Variants in DISP1 observed in about 807,000 individuals in gnomAD.
The protein encoded by DISP1 is dispatched RND transporter family member 1.
DISP1 carries 30 observed loss-of-function variants against 37.3 expected under a neutral mutation model. The ratio of observed to expected loss-of-function variants is 0.80; its 90% CI spans 0.60 to 1.09. The LOEUF (loss-of-function observed/expected upper bound fraction) is 1.09. Ranked by LOEUF, DISP1 falls within the 50% of genes least tolerant of loss-of-function variation. The probability of loss-of-function intolerance (pLI) is 0.00; values close to 1 mark genes in which losing one functional copy is unlikely to be tolerated. For missense variants in DISP1, 1,598 were observed against 1,879.5 expected (o/e 0.85, Z 2.77); for synonymous variants, 634 against 690.2 (o/e 0.92, Z 1.28).
At position 223,004,359 on chromosome 1, in the gene DISP1, A is replaced by C. The variant is rs754978377; in HGVS notation, c.2962A>C (p.Met988Leu). ...DSLSDGTLIA[M>L]GLSVAVAFSV... ...CCTCTCCGATGGCACCCTCATTGCC[A>C]TGGGGCTGTCAGTTGCTGTTGCATT... Residue 988 changes from methionine (M) to leucine (L), a missense_variant, in exon 9 of 9, where the codon ATG (methionine) becomes CTG (leucine). Coordinates refer to ENST00000675850, the MANE Select transcript of DISP1 (RefSeq NM_001377229.1). This position sits in a 1 kb window ranked among gnomAD's most constrained non-coding sequence, Gnocchi z 4.9. 9 of 1,614,070 alleles carry C rather than the reference A, an allele frequency of 5.6e-6. 1 individual carries two copies. The highest frequency in any genetic ancestry group is 2.2e-5 in the East Asian group (1 of 44,890).
chr1:222,887,291 C>T (rs1670649399), intron 1 of DISP1, among the ~76,000 whole-genome samples: 1 of 152,078 alleles, frequency 6.6e-6, no homozygotes, highest in South Asian at 2.1e-4. Flanking sequence ...CCCTTATTTT[C>T]CTGCCTGTAT....
chr1:222,838,525 T>G (rs1667388451), intron 1 of DISP1, among the ~76,000 whole-genome samples: 1 of 152,198 alleles, frequency 6.6e-6, no homozygotes, highest in South Asian at 2.1e-4. Context: ...TCTCAGTACT[T>G]TGGGAGCCCC....
intron 1 of DISP1, among the ~76,000 whole-genome samples, chr1:222,884,905 T>C (rs531459807): frequency 3.8e-4 from 58 of 152,226 alleles, no homozygotes; most frequent in African/African-American, 1.4e-3. Flanking sequence ...GGCGCGATCT[T>C]GGCTCACTGC....
At chr1:222,995,016 C>G in intron 8 of DISP1, 34 bp downstream of exon 8, 1 of 1,509,048 alleles carries the variant, frequency 6.6e-7, no homozygotes, top group Non-Finnish European at 9.2e-7. Context: ...CTCCTTAGCA[C>G]AAATAAGGTT....
intron 1 of DISP1, among the ~76,000 whole-genome samples, chr1:222,907,934 G>A (rs1055180005): frequency 1.3e-5 from 2 of 152,168 alleles, no homozygotes; most frequent in Non-Finnish European, 2.9e-5. Context: ...GGGCAACAGA[G>A]CAAGACTCCA....
At chr1:222,930,109 G>T (rs2609405) in intron 2 of DISP1, among the ~76,000 whole-genome samples, 24,740 of 152,026 alleles carry the variant, frequency 0.16, 2,086 homozygotes, top group South Asian at 0.3. Flanking sequence ...AGTCTCACTT[G>T]CCTTGCAGTT....
At chr1:222,944,896 GCAGCT>G (rs1674654183) in intron 3 of DISP1, among the ~76,000 whole-genome samples, 1 of 152,180 alleles carries the variant, frequency 6.6e-6, no homozygotes, top group South Asian at 2.1e-4. Flanking sequence ...GCTGGGTGCT[GCAGCT>G]CATGGCTGCG....
intron 8 of DISP1, among the ~76,000 whole-genome samples, chr1:222,999,098 C>G (rs1197552162): frequency 2.0e-5 from 3 of 152,058 alleles, no homozygotes; most frequent in Non-Finnish European, 2.9e-5. Context: ...ATTTAAAACT[C>G]TCTGCTGGTT....
rs1553331638 is a variant in DISP1 at position 222,936,800 on chromosome 1, TTA to T, written c.-17-5998_-17-5997del. ...TATCATATATAATATATATAATATA[TTA>T]TATATATAAATTATATATAATATAT... is the stretch of plus-strand genomic sequence containing the variant. On this transcript the variant is annotated intron_variant, in intron 2 of 8. Coordinates refer to ENST00000675850, the MANE Select transcript of DISP1 (RefSeq NM_001377229.1). Among the ~76,000 whole-genome samples the T allele has an allele frequency of 2.8e-4, 18 of 64,164 alleles. 1 individual carries two copies. The highest frequency in any genetic ancestry group is 7.6e-4 in the African/African-American group (13 of 17,156). The allele number at this position is 64,164 out of a possible 152,430, so 42.1% of individuals were successfully genotyped here.
intron 1 of DISP1, among the ~76,000 whole-genome samples, chr1:222,860,647 G>A (rs1390776981): frequency 6.6e-6 from 1 of 152,078 alleles, no homozygotes; most frequent in African/African-American, 2.4e-5. Flanking sequence ...AGCACTTTGG[G>A]AGGCCGAGGC....
chr1:222,984,437 G>A (rs78923631), intron 4 of DISP1, among the ~76,000 whole-genome samples: 2 of 103,498 alleles, frequency 1.9e-5, no homozygotes, highest in African/African-American at 4.1e-5. Flanking sequence ...TATATATATA[G>A]AGAGAGAGAG....
chr1:222,910,712 G>A (rs1246230929), intron 1 of DISP1, among the ~76,000 whole-genome samples: 1 of 152,204 alleles, frequency 6.6e-6, no homozygotes, highest in Non-Finnish European at 1.5e-5. Context: ...AACCAGAAGA[G>A]AGAATGACTT....
At chr1:222,815,124 A>G (rs1660828061) in intron 1 of DISP1, 46 bp downstream of exon 1, 1 of 152,016 alleles carries the variant, frequency 6.6e-6, no homozygotes, top group African/African-American at 2.4e-5. Context: ...TCCTCAGTGG[A>G]TGCCTTTCGG....
chr1:223,004,007 G>C lies in DISP1; in HGVS notation c.2610G>C (p.Leu870=), dbSNP rs571683384. ...MENQDCDEPA[L]YPCCSHWSFP... ...ACCAGGACTGTGATGAGCCTGCCCT[G>C]TACCCATGCTGCAGCCACTGGAGCT... The change falls in exon 9 of 9, where the codon CTG becomes CTC. Residue 870 remains leucine (L), a synonymous_variant. Transcript: ENST00000675850. The surrounding 1 kb of genome is among the most constrained non-coding windows in gnomAD (Gnocchi z 4.9). 3.1e-6 allele frequency: 5 copies of C among 1,614,146 alleles called. No individual in the cohort carries two copies. Among genetic ancestry groups the C allele is most frequent in the Middle Eastern group, 1.6e-4 (1 of 6,062 alleles).
intron 2 of DISP1, among the ~76,000 whole-genome samples, chr1:222,932,809 C>T (rs1200532946): frequency 1.3e-5 from 2 of 151,886 alleles, no homozygotes; most frequent in African/African-American, 4.8e-5. Flanking sequence ...GAAAAGAGAT[C>T]TCTGAAAAGT....
At chr1:222,819,950 G>T (rs1221464351) in intron 1 of DISP1, among the ~76,000 whole-genome samples, 1 of 151,736 alleles carries the variant, frequency 6.6e-6, no homozygotes, top group Non-Finnish European at 1.5e-5. Context: ...TAAATATTTA[G>T]ATCTGGGAAT....
chr1:222,897,053 A>T (rs61840295), intron 1 of DISP1, among the ~76,000 whole-genome samples: 10,687 of 152,288 alleles, frequency 0.07, 481 homozygotes, highest in Non-Finnish European at 0.098. Context: ...ATGAGTGTCC[A>T]TGTGAATCTT....
At chr1:222,915,020 A>G (rs554871015) in intron 1 of DISP1, among the ~76,000 whole-genome samples, 3 of 152,208 alleles carry the variant, frequency 2.0e-5, no homozygotes, top group East Asian at 3.9e-4. Flanking sequence ...TCATAATAAC[A>G]ATGACTGAGC....
intron 1 of DISP1, among the ~76,000 whole-genome samples, chr1:222,857,005 C>T (rs957256256): frequency 2.6e-5 from 4 of 152,054 alleles, no homozygotes; most frequent in African/African-American, 9.7e-5. Context: ...TGCCCATCCT[C>T]TTATAATTAT....
Sources: allele counts gnomAD v4.1 joint callset (sites outside exome capture counted in the v4.1 genomes callset), GRCh38; gene constraint gnomAD v4.1.1; non-coding constraint Gnocchi (gnomAD v3.1); transcripts MANE v1.5; gene names NCBI Gene and HGNC (gene_info 2026-07-23, HGNC 2026-07-21).